LRIG1: variants seen among roughly 807,000 people sequenced by gnomAD.
The protein encoded by LRIG1 is leucine rich repeats and immunoglobulin like domains 1.
Under a neutral mutation model 99.2 loss-of-function variants are expected in LRIG1, and 48 were observed. The observed-to-expected ratio is 0.48, with a 90% CI of 0.38 to 0.62. LRIG1 has a LOEUF of 0.62. Among genes scored for constraint, LRIG1 ranks in the 20% least tolerant of loss-of-function variants. The pLI is 0.00. For synonymous variants in LRIG1, 772 were observed against 596.1 expected (o/e 1.29, Z -4.30); for missense variants, 1,646 against 1,434.4 (o/e 1.15, Z -2.38).
At chr3:66,399,192 C>T (rs1701967607) in intron 9 of LRIG1, 151 bp from the exon 10 acceptor site, 12 of 656,668 alleles carry the variant, frequency 1.8e-5, no homozygotes, top group East Asian at 2.7e-5. Context: ...AGCTGACCTG[C>T]GCTGAGATTA....
chr3:66,423,419 A>T (rs188000364), intron 3 of LRIG1, among the ~76,000 whole-genome samples: 28 of 152,218 alleles, frequency 1.8e-4, no homozygotes. Flanking sequence ...TAAAAATAAA[A>T]AATTAGCCGG....
At position 66,414,967 on chromosome 3, in the gene LRIG1, G is replaced by A. The variant is rs1179300979; in HGVS notation, c.600C>T (p.Ile200=). The A allele has an allele frequency of 1.2e-6, 2 of 1,612,434 alleles. No individual in the cohort carries two copies. The highest frequency in any genetic ancestry group is 2.2e-5 in the East Asian group (1 of 44,816). ...LLTLRLSKNR[I]TQLPVRAFKL... ...TGAATGCTCTTACAGGAAGCTGGGT[G>A]ATCCTGTTTTTGCTCAGGCGAAGAG... is the stretch of plus-strand genomic sequence containing the variant. The change falls in exon 5 of 19, where the codon ATC becomes ATT. Residue 200 remains isoleucine, a synonymous_variant. Coordinates refer to ENST00000273261, the MANE Select transcript of LRIG1 (RefSeq NM_015541.3).
chr3:66,424,360 C>T (rs191437081), intron 3 of LRIG1, among the ~76,000 whole-genome samples: 2 of 152,252 alleles, frequency 1.3e-5, no homozygotes, highest in African/African-American at 2.4e-5. Flanking sequence ...GTCTCCCCCC[C>T]ATGAAGGTTA....
intron 7 of LRIG1, among the ~76,000 whole-genome samples, chr3:66,409,200 A>T (rs1419850086): frequency 1.3e-5 from 2 of 152,166 alleles, no homozygotes; most frequent in Non-Finnish European, 2.9e-5. Flanking sequence ...GAAAAAAACA[A>T]AACAAAACAA....
intron 1 of LRIG1, among the ~76,000 whole-genome samples, chr3:66,498,969 G>C (rs1701289902): frequency 6.6e-6 from 1 of 152,204 alleles, no homozygotes; most frequent in South Asian, 2.1e-4. Context: ...TGTGACACCA[G>C]TTTTCTCTTT....
At chr3:66,411,939 T>G (rs1575670785) in intron 6 of LRIG1, among the ~76,000 whole-genome samples, 7 of 19,944 alleles carry the variant, frequency 3.5e-4, no homozygotes, top group African/African-American at 8.5e-4. Flanking sequence ...AATGAGGGGG[T>G]GGTGGCGGGG....
At chr3:66,440,686 ACAAAGCTGTCAGAGATAG>A in intron 3 of LRIG1, among the ~76,000 whole-genome samples, 1 of 152,340 alleles carries the variant, frequency 6.6e-6, no homozygotes, top group South Asian at 2.1e-4. Context: ...GGTGCTCAGT[ACAAAGCTGTCAGAGATAG>A]CAAGAGTGTC....
rs1700951599 is a variant in LRIG1 at position 66,485,492 on chromosome 3, C to G, written c.218+14698G>C. Among the ~76,000 whole-genome samples the G allele has an allele frequency of 4.6e-5, 7 of 152,294 alleles. No homozygotes were observed. The South Asian group carries it at 1.5e-3, about 32-fold the overall frequency. Reference sequence around the variant, plus strand: ...TACACAAGGCTGGACCATGACTCGCCCATCTTTTAGATGTGTCTCAGTCTG... The same window carrying G: ...TACACAAGGCTGGACCATGACTCGCGCATCTTTTAGATGTGTCTCAGTCTG... On this transcript the variant is annotated intron_variant, in intron 1 of 18. Transcript: ENST00000273261.
intron 3 of LRIG1, among the ~76,000 whole-genome samples, chr3:66,437,188 C>A (rs971436421): frequency 6.6e-6 from 1 of 152,220 alleles, no homozygotes; most frequent in African/African-American, 2.4e-5. Context: ...TCTCCACCTT[C>A]GCTTCACAGA....
chr3:66,408,048 C>T (rs934443973), intron 7 of LRIG1, among the ~76,000 whole-genome samples: 1 of 152,340 alleles, frequency 6.6e-6, no homozygotes, highest in Admixed American at 6.5e-5. Flanking sequence ...CTGCCCCCAT[C>T]CACGTGGACC....
chr3:66,483,956 T>C (rs567219096), intron 1 of LRIG1, among the ~76,000 whole-genome samples: 19 of 152,312 alleles, frequency 1.2e-4, no homozygotes, highest in Admixed American at 3.9e-4. Flanking sequence ...GCCACTTCAG[T>C]GACAATTCTT....
intron 3 of LRIG1, among the ~76,000 whole-genome samples, chr3:66,420,299 AC>A (rs1298991360): frequency 6.6e-6 from 1 of 152,228 alleles, no homozygotes; most frequent in Non-Finnish European, 1.5e-5. Flanking sequence ...AAACAAAAAA[AC>A]AAACAGAAAA....
At chr3:66,488,375 C>T (rs1194953536) in intron 1 of LRIG1, among the ~76,000 whole-genome samples, 1 of 151,406 alleles carries the variant, frequency 6.6e-6, no homozygotes, top group Non-Finnish European at 1.5e-5. Flanking sequence ...GTAATCCTAG[C>T]ACTTTGGGAC....
intron 1 of LRIG1, among the ~76,000 whole-genome samples, chr3:66,488,062 G>A (rs530829541): frequency 1.3e-5 from 2 of 152,020 alleles, no homozygotes; most frequent in Admixed American, 1.3e-4. Context: ...AAATTTACAC[G>A]ATAAAGAATG....
intron 1 of LRIG1, among the ~76,000 whole-genome samples, chr3:66,476,282 A>G (rs1041107897): frequency 7.2e-5 from 11 of 152,182 alleles, no homozygotes; most frequent in African/African-American, 2.7e-4. Flanking sequence ...TCAGCAACCA[A>G]TACCCAAAGG....
At chr3:66,419,355 C>T (rs1052089128) in intron 3 of LRIG1, among the ~76,000 whole-genome samples, 2 of 152,160 alleles carry the variant, frequency 1.3e-5, no homozygotes, top group African/African-American at 4.8e-5. Flanking sequence ...CCGGGCCCCA[C>T]TCTGCATAAA....
intron 2 of LRIG1, among the ~76,000 whole-genome samples, chr3:66,458,713 A>C (rs1700284904): frequency 6.6e-6 from 1 of 152,026 alleles, no homozygotes; most frequent in Non-Finnish European, 1.5e-5. Flanking sequence ...AAAAAAAGAA[A>C]GAAAGAAAAT....
At chr3:66,421,607 T>C (rs1174254534) in intron 3 of LRIG1, among the ~76,000 whole-genome samples, 2 of 152,162 alleles carry the variant, frequency 1.3e-5, no homozygotes, top group African/African-American at 2.4e-5. Context: ...CAGGCTGGCG[T>C]TGAGTGTCTG....
intron 3 of LRIG1, among the ~76,000 whole-genome samples, chr3:66,433,565 GT>G (rs1703248610): frequency 6.6e-6 from 1 of 152,234 alleles, no homozygotes; most frequent in Non-Finnish European, 1.5e-5. Flanking sequence ...TACCACTGAT[GT>G]GCCTTTAAAA....
Sources: gnomAD v4.1 joint callset for allele counts (sites outside exome capture counted in the v4.1 genomes callset) on GRCh38, gnomAD v4.1.1 for gene constraint, MANE v1.5 for transcripts, NCBI Gene and HGNC (gene_info 2026-07-23, HGNC 2026-07-21) for gene names.